GSE1: variants seen among roughly 807,000 people sequenced by gnomAD.
GSE1 encodes genetic suppressor element 1.
In GSE1, 32 loss-of-function variants were observed where a neutral mutation model predicts 112.6. The ratio of observed to expected loss-of-function variants is 0.28; its 90% confidence interval spans 0.21 to 0.38. The LOEUF is 0.38. Among genes scored for constraint, GSE1 ranks in the 10% least tolerant of loss-of-function variants. The pLI is 1.00. For synonymous variants in GSE1, 1,115 were observed against 735.6 expected (o/e 1.52, Z -8.35); for missense variants, 2,348 against 1,699.2 (o/e 1.38, Z -6.71).
chr16:85,198,566 A>G (rs1361672632), intron 1 of GSE1, among the ~76,000 whole-genome samples: 2 of 151,980 alleles, frequency 1.3e-5, no homozygotes, highest in Non-Finnish European at 2.9e-5. Flanking sequence ...GGGTAGCCTG[A>G]GCTCTGCTGG....
chr16:85,197,879 G>T (rs922256871), intron 1 of GSE1, among the ~76,000 whole-genome samples: 3 of 152,216 alleles, frequency 2.0e-5, no homozygotes, highest in African/African-American at 7.2e-5. Flanking sequence ...CCACGGGGCT[G>T]TTGGAGCAAA....
rs141121938 is a variant in GSE1, at chr16:85,481,152, C to T, written c.2464+123509C>T. 2.0e-3 allele frequency among the ~76,000 whole-genome samples: 304 copies of T among 152,386 alleles called. 2 individuals carry two copies. Among genetic ancestry groups the T allele is most frequent in the African/African-American group, 7.1e-3 (296 of 41,586 alleles). On this transcript the variant is annotated intron_variant, in intron 2 of 2. Transcript: ENST00000637419. The stretch of plus-strand genomic sequence containing the variant: ...TCTCCCCACCCGGTCCATCCCCAAG[C>T]AGCTGAGGTCAGAGCCAGGCTTCCC...
chr16:85,310,289 C>T (rs564314934), intron 1 of GSE1, among the ~76,000 whole-genome samples: 22 of 152,338 alleles, frequency 1.4e-4, no homozygotes, highest in African/African-American at 5.1e-4. Flanking sequence ...GAAATGGGAA[C>T]AGTCGCTGTG....
At chr16:85,659,232 C>T (rs766676504) in intron 8 of GSE1, 7 of 152,172 alleles carry the variant, frequency 4.6e-5, no homozygotes, top group Admixed American at 6.5e-5. Flanking sequence ...ACAGGGCTCC[C>T]GGGGCAGGCT....
rs1488517690 is a variant in GSE1 at position 85,479,019 on chromosome 16, C to A, written c.2464+121376C>A. Among the ~76,000 whole-genome samples, 11 of 109,660 alleles carry A rather than the reference C, an allele frequency of 1.0e-4. No individual in the cohort carries two copies. The Admixed American group carries it at 1.1e-3, about 11-fold the overall frequency. The allele number at this position is 109,660 out of a possible 152,430, so 71.9% of individuals were successfully genotyped here. ...TCTTTCCCTCCCTCCCTCCCTACCT[C>A]CTTCCTTCCTTCCTTCCTTCCAGAT... On this transcript the variant is annotated intron_variant, in intron 2 of 2. Coordinates refer to the GSE1 transcript ENST00000637419.
intron 2 of GSE1, among the ~76,000 whole-genome samples, chr16:85,465,490 C>T (rs1444036061): frequency 6.6e-6 from 1 of 152,200 alleles, no homozygotes; most frequent in Non-Finnish European, 1.5e-5. Context: ...GACTGCCCTG[C>T]TAGGGGTAAG....
At chr16:85,367,076 C>A (rs2047200559) in intron 2 of GSE1, among the ~76,000 whole-genome samples, 1 of 152,264 alleles carries the variant, frequency 6.6e-6, no homozygotes, top group African/African-American at 2.4e-5. Context: ...CCTCTGCTCA[C>A]CCACTGTTCT....
chr16:85,667,661 C>A (rs1193882804), intron 13 of GSE1, among the ~76,000 whole-genome samples: 4 of 152,326 alleles, frequency 2.6e-5, no homozygotes, highest in African/African-American at 9.6e-5. Context: ...AGTTTGAAAC[C>A]AGCCTGGGCC....
intron 1 of GSE1, among the ~76,000 whole-genome samples, chr16:85,564,622 C>T (rs1204635537): frequency 6.6e-6 from 1 of 152,222 alleles, no homozygotes; most frequent in Non-Finnish European, 1.5e-5. Flanking sequence ...ACCACTCCTG[C>T]CCCGTTGCTC....
Position 85,657,781 on chromosome 16 carries a change from C to CT in GSE1, c.1640+178dup, listed in dbSNP as rs2052093879. On this transcript the variant is annotated intron_variant, in intron 8 of 15. Transcript: ENST00000253458. ...TGTCTTGCCTATGGGGAAGCTGAGA[C>CT]TGAGGAAGAAAATGGATTGCTCAAA... 2.6e-5 allele frequency among the ~76,000 whole-genome samples: 4 copies of CT among 152,170 alleles called. No homozygotes were observed. The South Asian group carries it at 8.3e-4, about 31-fold the overall frequency.
chr16:85,448,867 T>C (rs556778330), intron 2 of GSE1, among the ~76,000 whole-genome samples: 2 of 152,322 alleles, frequency 1.3e-5, no homozygotes, highest in Admixed American at 6.5e-5. Context: ...AAATCGGTAA[T>C]GAAGTGCAGC....
intron 2 of GSE1, among the ~76,000 whole-genome samples, chr16:85,413,791 A>C (rs2048640217): frequency 6.6e-6 from 1 of 152,156 alleles, no homozygotes; most frequent in Non-Finnish European, 1.5e-5. Flanking sequence ...CTTGCCTTGA[A>C]TTGTAATCCC....
chr16:85,647,212 G>A (rs1259666988), intron 2 of GSE1, among the ~76,000 whole-genome samples: 1 of 152,124 alleles, frequency 6.6e-6, no homozygotes, highest in Non-Finnish European at 1.5e-5. Context: ...CCTCTTGGCT[G>A]TAGCCACCAG....
upstream of GSE1, chr16:85,613,276 A>T: frequency 2.0e-6 from 3 of 1,532,272 alleles, no homozygotes; most frequent in African/African-American, 1.4e-5. Context: ...CCACCTCCCC[A>T]GCGGGCCCGA....
intron 2 of GSE1, among the ~76,000 whole-genome samples, chr16:85,413,178 C>T (rs1303145179): frequency 2.0e-5 from 3 of 152,166 alleles, no homozygotes; most frequent in East Asian, 1.9e-4. Flanking sequence ...GTGGAAGTGC[C>T]GCTCCCATCC....
chr16:85,245,206 C>G (rs764657215), intron 1 of GSE1, among the ~76,000 whole-genome samples: 2 of 152,078 alleles, frequency 1.3e-5, no homozygotes, highest in Non-Finnish European at 2.9e-5. Context: ...GCTCCACTCA[C>G]CATAAATAAA....
chr16:85,362,961 G>A (rs1451869689), intron 2 of GSE1, among the ~76,000 whole-genome samples: 1 of 147,700 alleles, frequency 6.8e-6, no homozygotes, highest in Non-Finnish European at 1.5e-5. Context: ...TCAGCCTCCC[G>A]AGTAGCTGGG....
intron 1 of GSE1, among the ~76,000 whole-genome samples, chr16:85,262,847 C>T (rs1451911968): frequency 2.6e-5 from 4 of 152,202 alleles, no homozygotes; most frequent in East Asian, 1.9e-4. Context: ...GAAAAGAACT[C>T]GGCGAGCCTC....
chr16:85,585,838 G>A (rs1283825405), intron 1 of GSE1, among the ~76,000 whole-genome samples: 8 of 152,222 alleles, frequency 5.3e-5, no homozygotes, highest in Admixed American at 3.3e-4. Flanking sequence ...GTGCGACTTG[G>A]GACCTGTGTG....
Sources: allele counts gnomAD v4.1 joint callset (sites outside exome capture counted in the v4.1 genomes callset), GRCh38; gene constraint gnomAD v4.1.1; transcripts MANE v1.5; gene names NCBI Gene and HGNC (gene_info 2026-07-23, HGNC 2026-07-21).